Variants in ZNF705G observed in about 807,000 individuals in gnomAD.
ZNF705G encodes the protein putative zinc finger protein 705G.
A neutral mutation model predicts 19.6 loss-of-function variants in ZNF705G; 23 were observed. That is an observed-to-expected ratio of 1.17 (90% CI 0.84 to 1.66). The LOEUF (loss-of-function observed/expected upper bound fraction) is 1.66. ZNF705G is among the 40% of genes most tolerant of loss of function. ZNF705G has a pLI of 0.00. For synonymous variants in ZNF705G, 146 were observed against 117.7 expected, an observed-to-expected ratio of 1.24 and a Z score of -1.56; for missense variants, 457 against 354.4, an observed-to-expected ratio of 1.29 and a Z score of -2.32.
At chr8:7,383,103 C>T (rs1305529372) in intron 1 of ZNF705G, among the ~76,000 whole-genome samples, 18 of 145,608 alleles carry the variant, frequency 1.2e-4, no homozygotes, top group Non-Finnish European at 1.9e-4. Flanking sequence ...TACATTTTTT[C>T]CTTGGTTGAG....
intron 2 of ZNF705G, 120 bp from the exon 3 acceptor site, chr8:7,363,137 C>T: frequency 8.0e-7 from 1 of 1,244,100 alleles, no homozygotes; most frequent in South Asian, 1.3e-5. Flanking sequence ...GCCTAACCAA[C>T]AGACACAAAC....
At chr8:7,363,702 T>A (rs1806711797) in intron 2 of ZNF705G, among the ~76,000 whole-genome samples, 1 of 149,164 alleles carries the variant, frequency 6.7e-6, no homozygotes, top group African/African-American at 2.6e-5. Flanking sequence ...TTGCCTGTAA[T>A]CCCAGCTACT....
At chr8:7,378,823 G>A (rs1484012425) in intron 2 of ZNF705G, among the ~76,000 whole-genome samples, 1 of 145,404 alleles carries the variant, frequency 6.9e-6, no homozygotes, top group Non-Finnish European at 1.5e-5. Context: ...CTATTTTAAG[G>A]TCAGGTGATT....
chr8:7,357,403 T>C lies in ZNF705G; in HGVS notation c.*573A>G, dbSNP rs1806323257. 1 of 160,384 alleles carries C rather than the reference T, an allele frequency of 6.2e-6. No homozygotes were observed. The highest frequency in any genetic ancestry group is 1.4e-5 in the Non-Finnish European group (1 of 74,008). 9.9% of individuals were successfully genotyped at this position (160,384 alleles called of 1,614,324 possible). Reference sequence around the variant, plus strand: ...ATCAAGCCTGGTGCTTGGCTGAATGTTCATTCACAGAAAATACAAATAAAG... The same window carrying C: ...ATCAAGCCTGGTGCTTGGCTGAATGCTCATTCACAGAAAATACAAATAAAG... On this transcript the variant is annotated 3_prime_UTR_variant, in exon 7 of 7. Transcript: ENST00000400156.
At chr8:7,365,876 T>C (rs1463967983) in intron 2 of ZNF705G, among the ~76,000 whole-genome samples, 1 of 149,606 alleles carries the variant, frequency 6.7e-6, no homozygotes, top group Non-Finnish European at 1.5e-5. Context: ...CCAACAGATC[T>C]TCAGTAAAAA....
chr8:7,383,419 G>A (rs1479298386), intron 1 of ZNF705G, among the ~76,000 whole-genome samples: 2 of 146,380 alleles, frequency 1.4e-5, no homozygotes, highest in Non-Finnish European at 2.9e-5. Context: ...AACAGGCACT[G>A]TCTGATTACC....
intron 2 of ZNF705G, among the ~76,000 whole-genome samples, chr8:7,367,595 G>A (rs1585418032): frequency 6.7e-6 from 1 of 149,576 alleles, no homozygotes. Flanking sequence ...CCTAAAGGAC[G>A]AATCACGGGA....
At chr8:7,359,545 G>A in intron 6 of ZNF705G, 74 bp downstream of exon 6, 2 of 1,587,586 alleles carry the variant, frequency 1.3e-6, no homozygotes, top group Non-Finnish European at 1.7e-6. Flanking sequence ...TCAGGTGATT[G>A]TGCTTCATTA....
chr8:7,360,117 A>G (rs1159465410), intron 5 of ZNF705G, 120 bp downstream of exon 5: 3 of 1,187,030 alleles, frequency 2.5e-6, no homozygotes, highest in Admixed American at 4.1e-5. Flanking sequence ...CTGCTCCAGT[A>G]GCCTAACCTA....
chr8:7,359,056 T>C (rs1178030173), intron 6 of ZNF705G, among the ~76,000 whole-genome samples: 2 of 149,600 alleles, frequency 1.3e-5, no homozygotes, highest in Non-Finnish European at 2.9e-5. Context: ...TGTAAAAAAA[T>C]CCAGATTCAC....
At chr8:7,365,225 CTTATG>C (rs1300642448) in intron 2 of ZNF705G, among the ~76,000 whole-genome samples, 1 of 149,420 alleles carries the variant, frequency 6.7e-6, no homozygotes, top group Non-Finnish European at 1.5e-5. Context: ...AACTTAAAAA[CTTATG>C]TTATGGGTCT....
intron 2 of ZNF705G, among the ~76,000 whole-genome samples, chr8:7,371,045 A>G (rs1263746543): frequency 1.5e-5 from 2 of 136,446 alleles, no homozygotes; most frequent in East Asian, 2.2e-4. Context: ...GGGGAACAAC[A>G]CACACTGGGG....
chr8:7,364,974 A>G (rs1806791191), intron 2 of ZNF705G, among the ~76,000 whole-genome samples: 2 of 149,750 alleles, frequency 1.3e-5, no homozygotes, highest in Non-Finnish European at 2.9e-5. Context: ...CTCGAATATC[A>G]AAATAAGATT....
At chr8:7,366,205 G>T (rs1287819873) in intron 2 of ZNF705G, among the ~76,000 whole-genome samples, 2 of 94,626 alleles carry the variant, frequency 2.1e-5, no homozygotes, top group Non-Finnish European at 4.5e-5. Context: ...ACTATAAATG[G>T]AAAATCCTAT....
intron 2 of ZNF705G, among the ~76,000 whole-genome samples, chr8:7,368,585 A>T (rs1474487000): frequency 1.3e-5 from 2 of 149,906 alleles, no homozygotes; most frequent in East Asian, 3.8e-4. Context: ...ATTGTCTGAA[A>T]TTCAAGCAGG....
intron 2 of ZNF705G, among the ~76,000 whole-genome samples, chr8:7,365,460 C>A (rs1294701103): frequency 6.8e-6 from 1 of 146,770 alleles, no homozygotes; most frequent in Non-Finnish European, 1.5e-5. Flanking sequence ...CTCACCGCAA[C>A]CTCCACCTCC....
chr8:7,374,121 G>A (rs1488276509), intron 2 of ZNF705G, among the ~76,000 whole-genome samples: 2 of 104,004 alleles, frequency 1.9e-5, no homozygotes, highest in South Asian at 3.4e-4. Context: ...CCACCCTAGA[G>A]TTCTGTTGTG....
intron 2 of ZNF705G, among the ~76,000 whole-genome samples, chr8:7,366,854 T>A (rs868628104): frequency 6.7e-6 from 1 of 149,776 alleles, no homozygotes; most frequent in South Asian, 2.1e-4. Context: ...ATGAAAGAAA[T>A]TCTCTATATC....
At chr8:7,368,317 T>C (rs751176008) in intron 2 of ZNF705G, among the ~76,000 whole-genome samples, 6 of 149,540 alleles carry the variant, frequency 4.0e-5, no homozygotes, top group Non-Finnish European at 8.8e-5. Context: ...TTTTTAATCA[T>C]AAGTACTTTT....
Sources: allele counts gnomAD v4.1 joint callset (sites outside exome capture counted in the v4.1 genomes callset), GRCh38; gene constraint gnomAD v4.1.1; transcripts MANE v1.5; gene names NCBI Gene and HGNC (gene_info 2026-07-23, HGNC 2026-07-21).